Variants in CTNNA3 observed in about 807,000 individuals in gnomAD.
CTNNA3 encodes the protein catenin alpha 3.
A neutral mutation model predicts 95.7 loss-of-function variants in CTNNA3; 76 were observed. The observed-to-expected ratio is 0.79, with a 90% CI of 0.66 to 0.96. The LOEUF (loss-of-function observed/expected upper bound fraction) is 0.96. CTNNA3 is among the 40% of genes least tolerant of loss of function. The pLI is 0.00. For missense variants in CTNNA3, 1,191 were observed against 1,089.8 expected, an observed-to-expected ratio of 1.09 and a Z score of -1.31; for synonymous variants, 431 against 374.4, an observed-to-expected ratio of 1.15 and a Z score of -1.74.
At chr10:66,149,000 T>C (rs1389470783) in intron 13 of CTNNA3, among the ~76,000 whole-genome samples, 1 of 151,336 alleles carries the variant, frequency 6.6e-6, no homozygotes, top group Admixed American at 6.6e-5. Flanking sequence ...TTTATGTATA[T>C]AATTTAACTA....
At chr10:66,092,890 G>A (rs956812990) in intron 14 of CTNNA3, among the ~76,000 whole-genome samples, 2 of 151,330 alleles carry the variant, frequency 1.3e-5, no homozygotes, top group Admixed American at 6.6e-5. Context: ...TTTTGACAAC[G>A]GAAAAACTAA....
In CTNNA3 at chr10:66,103,162, C is replaced by T. The variant is rs1215420249; in HGVS notation, c.1972G>A (p.Asp658Asn). The stretch of plus-strand genomic sequence containing the variant: ...CACCAGTTGAAGTGACATACCCTAT[C>T]AGTTTTCCCTTCGGTCTGAATGCTG... Reference protein sequence around the residue: ...HTSIQTEGKTDRAKMTQLPEA... With the variant: ...HTSIQTEGKTNRAKMTQLPEA... Residue 658 changes from aspartate (D) to asparagine (N), a missense_variant, in exon 14 of 18, where the codon GAT (aspartate) becomes AAT (asparagine). Physicochemically the swap from Asp to Asn is conservative, Grantham distance 23. Coordinates refer to ENST00000433211, the MANE Select transcript of CTNNA3 (RefSeq NM_013266.4). 2 of 1,612,862 alleles carry T rather than the reference C, an allele frequency of 1.2e-6. No homozygotes were observed. Among genetic ancestry groups the T allele is most frequent in the Non-Finnish European group, 1.7e-6 (2 of 1,178,970 alleles).
chr10:66,074,838 T>C (rs1188044480), intron 14 of CTNNA3, among the ~76,000 whole-genome samples: 2 of 151,034 alleles, frequency 1.3e-5, no homozygotes, highest in Non-Finnish European at 2.9e-5. Flanking sequence ...TTTAGATGTA[T>C]TTTTTTCTCC....
At chr10:67,319,162 C>T (rs372975364) in intron 5 of CTNNA3, among the ~76,000 whole-genome samples, 8 of 152,344 alleles carry the variant, frequency 5.3e-5, no homozygotes, top group African/African-American at 1.9e-4. Flanking sequence ...TGGTAGACAA[C>T]ATTTCATATA....
intron 13 of CTNNA3, among the ~76,000 whole-genome samples, chr10:66,154,963 G>T (rs990684626): frequency 1.3e-5 from 2 of 151,250 alleles, no homozygotes; most frequent in African/African-American, 4.9e-5. Context: ...AATATTTTGG[G>T]CTTTGTGAGG....
intron 5 of CTNNA3, among the ~76,000 whole-genome samples, chr10:67,289,604 C>T (rs960676421): frequency 1.2e-4 from 19 of 152,106 alleles, no homozygotes; most frequent in African/African-American, 3.9e-4. Context: ...GAATAATCAT[C>T]TAAAACATGT....
chr10:66,019,819 CT>C (rs1157227208), intron 15 of CTNNA3, among the ~76,000 whole-genome samples: 4 of 152,088 alleles, frequency 2.6e-5, no homozygotes, highest in East Asian at 3.8e-4. Flanking sequence ...GGAATGTTAA[CT>C]TTTTTTGTTT....
chr10:67,267,645 A>T (rs898393294), intron 5 of CTNNA3, among the ~76,000 whole-genome samples: 2 of 152,184 alleles, frequency 1.3e-5, no homozygotes, highest in Non-Finnish European at 2.9e-5. Context: ...AATCTTCTTC[A>T]AAAGGAAATC....
At chr10:66,875,682 C>G (rs1003161961) in intron 7 of CTNNA3, among the ~76,000 whole-genome samples, 2 of 152,184 alleles carry the variant, frequency 1.3e-5, no homozygotes, top group South Asian at 4.2e-4. Flanking sequence ...TCTCACAGAG[C>G]AAAACATTTA....
At chr10:66,829,010 C>T (rs2132313148) in intron 7 of CTNNA3, among the ~76,000 whole-genome samples, 1 of 152,332 alleles carries the variant, frequency 6.6e-6, no homozygotes, top group South Asian at 2.1e-4. Flanking sequence ...ACAAAATAAA[C>T]CTGCCTATTT....
chr10:66,334,876 C>T (rs1427176218), intron 12 of CTNNA3, among the ~76,000 whole-genome samples: 6 of 152,078 alleles, frequency 3.9e-5, no homozygotes, highest in Non-Finnish European at 7.4e-5. Context: ...ACCAATCAGA[C>T]GTAGATTTGG....
chr10:66,189,012 C>G (rs917197044), intron 13 of CTNNA3, among the ~76,000 whole-genome samples: 4 of 152,034 alleles, frequency 2.6e-5, no homozygotes, highest in Admixed American at 1.3e-4. Flanking sequence ...ACCTACTAGC[C>G]ATTTTACATC....
At chr10:66,674,141 C>T (rs1846763044) in intron 9 of CTNNA3, among the ~76,000 whole-genome samples, 1 of 151,910 alleles carries the variant, frequency 6.6e-6, no homozygotes, top group South Asian at 2.1e-4. Context: ...GGTGTTAGTG[C>T]CAAGATTCTC....
intron 15 of CTNNA3, among the ~76,000 whole-genome samples, chr10:66,031,880 C>T (rs1377726951): frequency 6.6e-6 from 1 of 152,100 alleles, no homozygotes; most frequent in Non-Finnish European, 1.5e-5. Context: ...GAATCCTGTT[C>T]TCATAGAAAG....
At chr10:66,254,563 T>C (rs2090686641) in intron 13 of CTNNA3, among the ~76,000 whole-genome samples, 2 of 152,146 alleles carry the variant, frequency 1.3e-5, no homozygotes, top group Admixed American at 6.5e-5. Context: ...ATGCTTTCTA[T>C]CTAATAAAAC....
intron 7 of CTNNA3, among the ~76,000 whole-genome samples, chr10:67,061,841 A>G (rs1855772507): frequency 6.6e-6 from 1 of 152,222 alleles, no homozygotes; most frequent in Non-Finnish European, 1.5e-5. Flanking sequence ...GATGAGAGGG[A>G]GAATATTTAA....
At chr10:66,002,179 T>C (rs186802438) in intron 15 of CTNNA3, among the ~76,000 whole-genome samples, 6 of 152,292 alleles carry the variant, frequency 3.9e-5, no homozygotes, top group African/African-American at 1.2e-4. Context: ...CAACCAAAAA[T>C]GATAAGTTGA....
At chr10:66,983,853 T>A (rs1402154153) in intron 7 of CTNNA3, among the ~76,000 whole-genome samples, 1 of 152,228 alleles carries the variant, frequency 6.6e-6, no homozygotes. Context: ...ATAATTAATG[T>A]TAAAAATAAT....
intron 1 of CTNNA3, among the ~76,000 whole-genome samples, chr10:67,729,987 TG>T (rs1401959013): frequency 6.6e-6 from 1 of 152,002 alleles, no homozygotes; most frequent in Non-Finnish European, 1.5e-5. Flanking sequence ...AAGAAAAAAA[TG>T]TAAGAGGAAA....
Sources: allele counts gnomAD v4.1 joint callset (sites outside exome capture counted in the v4.1 genomes callset), GRCh38; gene constraint gnomAD v4.1.1; transcripts MANE v1.5; gene names NCBI Gene and HGNC (gene_info 2026-07-23, HGNC 2026-07-21).